Variants in RAB5B observed in about 807,000 individuals in gnomAD.
RAB5B encodes ras-related protein Rab-5B.
In RAB5B, 11 loss-of-function variants were observed where a neutral mutation model predicts 28.6. The ratio of observed to expected loss-of-function variants is 0.38; its 90% CI spans 0.24 to 0.64. RAB5B has a LOEUF of 0.64. RAB5B is among the 30% of genes least tolerant of loss of function. RAB5B has a pLI of 0.53. For synonymous variants in RAB5B, 93 were observed against 97.9 expected (o/e 0.95, Z 0.29); for missense variants, 169 against 265.6 (o/e 0.64, Z 2.53).
chr12:55,992,232 C>T lies in RAB5B; in HGVS notation c.*20C>T, dbSNP rs1890153519. On this transcript the variant is annotated 3_prime_UTR_variant, in exon 6 of 6. Coordinates refer to ENST00000360299, the MANE Select transcript of RAB5B (RefSeq NM_002868.4). ...AACTGAGGGGGTGGCTAGCAGCAAACAAGTATGGAGCTAGCACAAGAGCTA... is the reference window on the plus strand; with the variant it reads ...AACTGAGGGGGTGGCTAGCAGCAAATAAGTATGGAGCTAGCACAAGAGCTA... 3 of 1,577,040 alleles carry T rather than the reference C, an allele frequency of 1.9e-6. No homozygotes were observed. Among genetic ancestry groups the T allele is most frequent in the East Asian group, 2.2e-5 (1 of 44,702 alleles).
chr12:55,990,259 T>C (rs1890070995), intron 3 of RAB5B, 161 bp downstream of exon 3: 1 of 806,778 alleles, frequency 1.2e-6, no homozygotes, highest in Non-Finnish European at 1.8e-6. Flanking sequence ...ATTACAAAAA[T>C]TAGTTGGGCG....
intron 1 of RAB5B, among the ~76,000 whole-genome samples, chr12:55,979,665 T>C (rs1889744740): frequency 6.6e-6 from 1 of 152,234 alleles, no homozygotes; most frequent in Admixed American, 6.5e-5. Context: ...TTAATTCTTC[T>C]GTCAGAAAGA....
At chr12:55,984,733 C>G (rs555948163) in intron 1 of RAB5B, among the ~76,000 whole-genome samples, 326 of 152,318 alleles carry the variant, frequency 2.1e-3, no homozygotes, top group Middle Eastern at 0.01. Flanking sequence ...ACCTCAGCCT[C>G]CCAAAGTGCT....
intron 4 of RAB5B, chr12:55,991,128 C>A (rs577597720): frequency 1.1e-5 from 6 of 547,718 alleles, no homozygotes; most frequent in South Asian, 9.1e-5. Context: ...ACTAACTTAC[C>A]CTCTCCCCTA....
chr12:55,991,948 A>G, intron 5 of RAB5B, 149 bp from the exon 6 acceptor site: 3 of 624,992 alleles, frequency 4.8e-6, no homozygotes. Context: ...AAAGTTTGCA[A>G]ATAGTGAACC....
chr12:55,974,043 GC>G (rs1377829876), upstream of RAB5B: 1 of 152,830 alleles, frequency 6.5e-6, no homozygotes, highest in Non-Finnish European at 1.5e-5. Context: ...CCGCCCCAGG[GC>G]GAGGAGGAGA....
chr12:55,975,476 C>CAGT (rs971919675), intron 1 of RAB5B, among the ~76,000 whole-genome samples: 1 of 152,032 alleles, frequency 6.6e-6, no homozygotes, highest in Non-Finnish European at 1.5e-5. Context: ...TACAGAGGTG[C>CAGT]AGTAGCCCAC....
intron 1 of RAB5B, among the ~76,000 whole-genome samples, chr12:55,974,508 G>A (rs1889590723): frequency 1.3e-5 from 2 of 152,322 alleles, no homozygotes; most frequent in South Asian, 2.1e-4. Flanking sequence ...TTGCCGGGAG[G>A]TGAGGAGGGT....
chr12:55,977,805 G>A (rs939150596), intron 1 of RAB5B, among the ~76,000 whole-genome samples: 1 of 152,212 alleles, frequency 6.6e-6, no homozygotes, highest in African/African-American at 2.4e-5. Context: ...GGTGAACAAA[G>A]TATGTGTACA....
chr12:55,984,954 CAT>C (rs1248649892), intron 1 of RAB5B, among the ~76,000 whole-genome samples: 3 of 152,268 alleles, frequency 2.0e-5, no homozygotes, highest in Admixed American at 2.0e-4. Flanking sequence ...CTCTTTATAT[CAT>C]ATTAGTAATG....
intron 2 of RAB5B, 54 bp downstream of exon 2, chr12:55,987,177 T>C: frequency 6.6e-7 from 1 of 1,511,448 alleles, no homozygotes; most frequent in Non-Finnish European, 9.0e-7. Flanking sequence ...TTTTTTTTTT[T>C]TTAGATGGAG....
At chr12:55,979,023 T>A (rs948683131) in intron 1 of RAB5B, among the ~76,000 whole-genome samples, 1 of 152,088 alleles carries the variant, frequency 6.6e-6, no homozygotes, top group African/African-American at 2.4e-5. Context: ...TCCATCTGCC[T>A]TGGCCTCTCA....
chr12:55,995,164 C>G lies in RAB5B; in HGVS notation c.*2952C>G, dbSNP rs1230180903. 6.6e-6 allele frequency: 1 copy of G among 151,892 alleles called. No individual in the cohort carries two copies. Among genetic ancestry groups the G allele is most frequent in the African/African-American group, 2.4e-5 (1 of 41,300 alleles). 9.4% of individuals were successfully genotyped at this position (151,892 alleles called of 1,614,324 possible). A position where few individuals can be genotyped will look rare whatever the true frequency, so the allele number is the denominator to read the frequency against. ...GGAGTACAGTGGCACGATCTTGGCT[C>G]ACAGCAATCTCCGCCTCCTGAGTTC... On this transcript the variant is annotated 3_prime_UTR_variant, in exon 6 of 6. Transcript: ENST00000360299.
intron 2 of RAB5B, 23 bp from the exon 3 acceptor site, chr12:55,989,924 C>T: frequency 6.2e-7 from 1 of 1,602,206 alleles, no homozygotes. Context: ...ACAGCATCTT[C>T]CCCTCCATTC....
At chr12:55,980,679 G>A (rs1473249304) in intron 1 of RAB5B, 3 of 1,590,040 alleles carry the variant, frequency 1.9e-6, no homozygotes, top group Non-Finnish European at 2.6e-6. Flanking sequence ...TTGTTCCCTA[G>A]CAAGAGGTGC....
chr12:55,984,533 A>G (rs962874133), intron 1 of RAB5B, among the ~76,000 whole-genome samples: 1 of 151,984 alleles, frequency 6.6e-6, no homozygotes, highest in East Asian at 1.9e-4. Flanking sequence ...AGGCTGGAGC[A>G]CAGTGGCGCA....
At chr12:55,983,108 T>C (rs1207007037) in intron 1 of RAB5B, among the ~76,000 whole-genome samples, 1 of 152,170 alleles carries the variant, frequency 6.6e-6, no homozygotes, top group Non-Finnish European at 1.5e-5. Flanking sequence ...AGACGGAGTC[T>C]TGCTCTGTTG....
In RAB5B at chr12:55,994,813, A is replaced by G. The variant is rs1454631366; in HGVS notation, c.*2601A>G. 3 of 152,188 alleles carry G rather than the reference A, an allele frequency of 2.0e-5. No homozygotes were observed. The highest frequency in any genetic ancestry group is 1.9e-4 in the East Asian group (1 of 5,192). The allele number at this position is 152,188 out of a possible 1,614,324, so 9.4% of individuals were successfully genotyped here. A position where few individuals can be genotyped will look rare whatever the true frequency, so the allele number is the denominator to read the frequency against. On this transcript the variant is annotated 3_prime_UTR_variant, in exon 6 of 6. Transcript: ENST00000360299. ...AAGAAAGGATACCCAGTAATGTTCT[A>G]CTGAATCAGAAACACACCTTTCCCT...
In RAB5B at chr12:55,992,731, A is replaced by C. The variant is rs1041221400; in HGVS notation, c.*519A>C. On this transcript the variant is annotated 3_prime_UTR_variant, in exon 6 of 6. Coordinates refer to ENST00000360299, the MANE Select transcript of RAB5B (RefSeq NM_002868.4). ...GAGAATAAAGCTCAGAGCAGGAGGG[A>C]GTAAGGAAACATTTCCTTTTTGTTT... 3.2e-6 allele frequency: 1 copy of C among 312,324 alleles called. No individual in the cohort carries two copies. The highest frequency in any genetic ancestry group is 2.3e-5 in the African/African-American group (1 of 42,830). The allele number at this position is 312,324 out of a possible 1,614,324, so 19.3% of individuals were successfully genotyped here.
Sources: allele counts gnomAD v4.1 joint callset (sites outside exome capture counted in the v4.1 genomes callset), GRCh38; gene constraint gnomAD v4.1.1; transcripts MANE v1.5; gene names NCBI Gene and HGNC (gene_info 2026-07-23, HGNC 2026-07-21).